TCF7L1: variants seen among roughly 807,000 people sequenced by gnomAD.
TCF7L1 encodes the protein transcription factor 7-like 1.
TCF7L1 carries 18 observed loss-of-function variants against 63.7 expected under a neutral mutation model. That is an observed-to-expected ratio of 0.28 (90% confidence interval 0.20 to 0.42). The LOEUF is 0.42. Ranked by LOEUF, TCF7L1 falls within the 10% of genes least tolerant of loss-of-function variation. TCF7L1 has a pLI of 1.00. For synonymous variants in TCF7L1, 355 were observed against 340.9 expected, an observed-to-expected ratio of 1.04 and a Z score of -0.46; for missense variants, 654 against 779.3, an observed-to-expected ratio of 0.84 and a Z score of 1.91.
intron 3 of TCF7L1, among the ~76,000 whole-genome samples, chr2:85,224,075 A>G (rs1679904107): frequency 1.3e-5 from 2 of 152,146 alleles, no homozygotes; most frequent in South Asian, 4.1e-4. Context: ...GCTGAGAATG[A>G]TGGTTTCCAG....
At chr2:85,179,480 A>G (rs749364648) in intron 3 of TCF7L1, among the ~76,000 whole-genome samples, 2 of 152,192 alleles carry the variant, frequency 1.3e-5, no homozygotes, top group African/African-American at 2.4e-5. Flanking sequence ...GAGAACCTCT[A>G]TACTAGGTCA....
intron 3 of TCF7L1, among the ~76,000 whole-genome samples, chr2:85,281,028 T>C (rs1395761147): frequency 6.7e-6 from 1 of 149,778 alleles, no homozygotes; most frequent in Non-Finnish European, 1.5e-5. Context: ...TCCTTTTTTT[T>C]TTTTTTTTTT....
At chr2:85,175,323 A>G (rs927260696) in intron 3 of TCF7L1, among the ~76,000 whole-genome samples, 3 of 152,208 alleles carry the variant, frequency 2.0e-5, no homozygotes, top group Admixed American at 6.5e-5. Flanking sequence ...TAGCTGAAAA[A>G]TTACCCGAAT....
intron 3 of TCF7L1, among the ~76,000 whole-genome samples, chr2:85,235,603 A>G (rs139989649): frequency 6.6e-6 from 1 of 152,120 alleles, no homozygotes; most frequent in Non-Finnish European, 1.5e-5. Context: ...GCGGAGCTCA[A>G]CTAGGAAGAG....
chr2:85,194,751 A>G (rs113348661), intron 3 of TCF7L1, among the ~76,000 whole-genome samples: 7 of 152,330 alleles, frequency 4.6e-5, no homozygotes, highest in African/African-American at 1.7e-4. Flanking sequence ...CAGAAGAATC[A>G]GGAGGAAACC....
intron 3 of TCF7L1, among the ~76,000 whole-genome samples, chr2:85,273,425 G>T (rs1364611735): frequency 1.3e-5 from 2 of 152,054 alleles, no homozygotes; most frequent in African/African-American, 2.4e-5. Context: ...AGGACAATTC[G>T]CAGCCTCACT....
At chr2:85,195,905 C>T (rs1460213570) in intron 3 of TCF7L1, among the ~76,000 whole-genome samples, 1 of 152,120 alleles carries the variant, frequency 6.6e-6, no homozygotes, top group East Asian at 1.9e-4. Flanking sequence ...TTATCAGTAG[C>T]ATTCTTAGTT....
At chr2:85,175,297 A>G (rs1383380394) in intron 3 of TCF7L1, among the ~76,000 whole-genome samples, 1 of 152,226 alleles carries the variant, frequency 6.6e-6, no homozygotes, top group Non-Finnish European at 1.5e-5. Flanking sequence ...TCCTGAAAGC[A>G]TATGGTTGGC....
intron 3 of TCF7L1, among the ~76,000 whole-genome samples, chr2:85,242,423 A>C (rs1680356389): frequency 6.6e-6 from 1 of 152,230 alleles, no homozygotes; most frequent in Non-Finnish European, 1.5e-5. Flanking sequence ...ATGGTCCTCC[A>C]TCACCTTGAG....
chr2:85,155,292 T>C (rs1396858716), intron 3 of TCF7L1, among the ~76,000 whole-genome samples: 4 of 152,168 alleles, frequency 2.6e-5, no homozygotes, highest in Admixed American at 1.3e-4. Flanking sequence ...CAGCAGGACA[T>C]GGGCGGGGAC....
intron 3 of TCF7L1, among the ~76,000 whole-genome samples, chr2:85,139,777 C>T (rs1677678872): frequency 6.6e-6 from 1 of 152,090 alleles, no homozygotes; most frequent in South Asian, 2.1e-4. Flanking sequence ...GGGGGTAATG[C>T]AGCTTATTTC....
rs541529978 is a variant in TCF7L1 at position 85,307,509 on chromosome 2, ATC to A, written c.1258-128_1258-127del. 91 of 690,574 alleles carry A rather than the reference ATC, an allele frequency of 1.3e-4. No individual in the cohort carries two copies. In the African/African-American group the frequency reaches 1.5e-3, roughly 11 times the overall value. 42.8% of individuals were successfully genotyped at this position (690,574 alleles called of 1,614,324 possible). ...GGCTCCCACGGCTGTGATCTGAATT[ATC>A]TCTCCACACTCTCCCTGAGGGATCG... On this transcript the variant is annotated intron_variant, in intron 10 of 11. Coordinates refer to ENST00000282111, the MANE Select transcript of TCF7L1 (RefSeq NM_031283.3).
Position 85,309,562 on chromosome 2 carries a change from C to T in TCF7L1, c.*100C>T. On this transcript the variant is annotated 3_prime_UTR_variant, in exon 12 of 12. Coordinates refer to ENST00000282111, the MANE Select transcript of TCF7L1 (RefSeq NM_031283.3). ...CTTTATTGGTCAATATTTGACCACT[C>T]TGGACTGTTCTGTAAAGTGGCTGGT... 3.2e-6 allele frequency: 4 copies of T among 1,242,156 alleles called. No homozygotes were observed. In the South Asian group the frequency reaches 6.9e-5, roughly 21 times the overall value. 76.9% of individuals were successfully genotyped at this position (1,242,156 alleles called of 1,614,324 possible).
chr2:85,283,265 T>TCC (rs35610133), intron 3 of TCF7L1, among the ~76,000 whole-genome samples: 4,086 of 109,698 alleles, frequency 0.037, 88 homozygotes, highest in Admixed American at 0.05. Flanking sequence ...GTCATTCGTG[T>TCC]CCCCCCCCCC....
chr2:85,204,299 C>A (rs1173730854), intron 3 of TCF7L1, among the ~76,000 whole-genome samples: 2 of 104,640 alleles, frequency 1.9e-5, no homozygotes, highest in East Asian at 5.2e-4. Flanking sequence ...CTTCCCCCCC[C>A]CCCCCCACTT....
At chr2:85,229,869 G>C (rs1365466214) in intron 3 of TCF7L1, among the ~76,000 whole-genome samples, 1 of 152,098 alleles carries the variant, frequency 6.6e-6, no homozygotes, top group Non-Finnish European at 1.5e-5. Context: ...ATAGCCGGAC[G>C]TGGTGGCACA....
At chr2:85,144,452 A>T (rs944455440) in intron 3 of TCF7L1, among the ~76,000 whole-genome samples, 1 of 150,846 alleles carries the variant, frequency 6.6e-6, no homozygotes, top group African/African-American at 2.4e-5. Context: ...CAAAAAAAAC[A>T]TTAGCCAGGA....
At chr2:85,295,486 C>G (rs942960346) in intron 4 of TCF7L1, among the ~76,000 whole-genome samples, 18 of 152,262 alleles carry the variant, frequency 1.2e-4, no homozygotes, top group African/African-American at 4.3e-4. Context: ...CAGGCATGAG[C>G]CACCGTGCCT....
At chr2:85,135,137 G>T (rs1677561314) in intron 3 of TCF7L1, among the ~76,000 whole-genome samples, 1 of 152,180 alleles carries the variant, frequency 6.6e-6, no homozygotes, top group Non-Finnish European at 1.5e-5. Flanking sequence ...TGTGCTGCCC[G>T]CTGGCATTTA....
Sources: gnomAD v4.1 joint callset for allele counts (sites outside exome capture counted in the v4.1 genomes callset) on GRCh38, gnomAD v4.1.1 for gene constraint, MANE v1.5 for transcripts, NCBI Gene and HGNC (gene_info 2026-07-23, HGNC 2026-07-21) for gene names.